Variants in FAM168B observed in about 807,000 individuals in gnomAD.
FAM168B encodes myelin-associated neurite-outgrowth inhibitor.
Under a neutral mutation model 21.8 loss-of-function variants are expected in FAM168B, and 19 were observed. The ratio of observed to expected loss-of-function variants is 0.87; its 90% CI spans 0.61 to 1.28. The LOEUF (loss-of-function observed/expected upper bound fraction) is 1.28, where lower values mean the gene tolerates loss of function less well. FAM168B is among the 50% of genes most tolerant of loss of function. The pLI, the probability that FAM168B is intolerant of heterozygous loss-of-function variation, is 0.00. For synonymous variants in FAM168B, 126 were observed against 104.8 expected, an observed-to-expected ratio of 1.20 and a Z score of -1.24; for missense variants, 233 against 263.1, an observed-to-expected ratio of 0.89 and a Z score of 0.79.
rs894366760 is a variant in FAM168B, at chr2:131,048,099, C to A, written c.*4366G>T. ...ATGCAGAGGTGAGGGATGCCTTTAA[C>A]ACTGGAAGACAATGCTGACTTAGCT... is the stretch of plus-strand genomic sequence containing the variant. On this transcript the variant is annotated 3_prime_UTR_variant, in exon 7 of 7. Coordinates refer to ENST00000389915, the MANE Select transcript of FAM168B (RefSeq NM_001009993.4). 2 of 1,018,928 alleles carry A rather than the reference C, an allele frequency of 2.0e-6. No homozygotes were observed. Among genetic ancestry groups the A allele is most frequent in the Non-Finnish European group, 2.6e-6 (2 of 780,490 alleles). 63.1% of individuals were successfully genotyped at this position (1,018,928 alleles called of 1,614,324 possible).
At chr2:131,067,029 G>A (rs985147804) in intron 3 of FAM168B, among the ~76,000 whole-genome samples, 5 of 152,110 alleles carry the variant, frequency 3.3e-5, no homozygotes, top group Non-Finnish European at 7.4e-5. Context: ...ATCAGATCTC[G>A]TGAGACTTAT....
At chr2:131,063,896 CAT>C (rs1692428111) in intron 3 of FAM168B, among the ~76,000 whole-genome samples, 1 of 151,722 alleles carries the variant, frequency 6.6e-6, no homozygotes, top group African/African-American at 2.4e-5. Context: ...CTAAGTCCAC[CAT>C]ATCCCTCCAT....
At chr2:131,071,265 A>C (rs1055875436) in intron 3 of FAM168B, among the ~76,000 whole-genome samples, 1 of 152,170 alleles carries the variant, frequency 6.6e-6, no homozygotes, top group Non-Finnish European at 1.5e-5. Flanking sequence ...GTGCACCACC[A>C]CTGCTGCGGC....
chr2:131,060,537 C>T (rs151001667), intron 3 of FAM168B, among the ~76,000 whole-genome samples: 134 of 152,300 alleles, frequency 8.8e-4, no homozygotes, highest in African/African-American at 3.0e-3. Flanking sequence ...ATGCTGAGTA[C>T]ATTATTCTGA....
In FAM168B at chr2:131,052,361, C is replaced by T; in HGVS notation, c.*104G>A. On this transcript the variant is annotated 3_prime_UTR_variant, in exon 7 of 7. Coordinates refer to ENST00000389915, the MANE Select transcript of FAM168B (RefSeq NM_001009993.4). The stretch of plus-strand genomic sequence containing the variant: ...GTCGTGTTTAGCTAAGTGTCGAGAG[C>T]ATTAAGAAGAAAGTCCTGGTTGGAG... 4 of 986,452 alleles carry T rather than the reference C, an allele frequency of 4.1e-6. No individual in the cohort carries two copies. The highest frequency in any genetic ancestry group is 4.8e-6 in the Non-Finnish European group (4 of 830,318). 61.1% of individuals were successfully genotyped at this position (986,452 alleles called of 1,614,324 possible). A position where few individuals can be genotyped will look rare whatever the true frequency, so the allele number is the denominator to read the frequency against.
At chr2:131,071,989 T>C (rs1275723574) in intron 2 of FAM168B, 51 bp from the exon 3 acceptor site, 2 of 1,333,102 alleles carry the variant, frequency 1.5e-6, no homozygotes, top group African/African-American at 3.3e-5. Flanking sequence ...GTAGCGACAA[T>C]CACTAGAGCT....
chr2:131,092,477 GGATGACCT>G lies in FAM168B; in HGVS notation c.-12+729_-12+736del, dbSNP rs1694082369. Among the ~76,000 whole-genome samples, 3 of 152,116 alleles carry G rather than the reference GGATGACCT, an allele frequency of 2.0e-5. No homozygotes were observed. In the South Asian group the frequency reaches 6.2e-4, roughly 31 times the overall value. Reference sequence around the variant, plus strand: ...AGAAAAGTGATCTCAAATTACACAAGGATGACCTGAAAGTTTAAGGAGTGGAAACTATA... The same window carrying G: ...AGAAAAGTGATCTCAAATTACACAAGGAAAGTTTAAGGAGTGGAAACTATA... On this transcript the variant is annotated intron_variant, in intron 1 of 6. Coordinates refer to ENST00000389915, the MANE Select transcript of FAM168B (RefSeq NM_001009993.4).
At chr2:131,083,472 G>A (rs188734168) in intron 1 of FAM168B, among the ~76,000 whole-genome samples, 6 of 152,326 alleles carry the variant, frequency 3.9e-5, no homozygotes, top group African/African-American at 1.4e-4. Flanking sequence ...TCCAGGAGGT[G>A]GAGATTAGCA....
At chr2:131,084,152 A>G (rs961074429) in intron 1 of FAM168B, among the ~76,000 whole-genome samples, 14 of 151,528 alleles carry the variant, frequency 9.2e-5, no homozygotes, top group East Asian at 5.8e-4. Context: ...CGCCCACCTC[A>G]GCCTCTCAAA....
At chr2:131,054,227 T>C (rs549184228) in intron 5 of FAM168B, among the ~76,000 whole-genome samples, 1 of 150,138 alleles carries the variant, frequency 6.7e-6, no homozygotes, top group Admixed American at 6.6e-5. Context: ...ATATTAAAAA[T>C]TTTAAAATTA....
intron 5 of FAM168B, among the ~76,000 whole-genome samples, chr2:131,054,148 G>C (rs1691866321): frequency 6.6e-6 from 1 of 151,028 alleles, no homozygotes; most frequent in Non-Finnish European, 1.5e-5. Flanking sequence ...GGCAGAGGTT[G>C]CAGTAAGCTG....
At chr2:131,072,314 G>A (rs1404441996) in intron 2 of FAM168B, among the ~76,000 whole-genome samples, 1 of 151,372 alleles carries the variant, frequency 6.6e-6, no homozygotes, top group Non-Finnish European at 1.5e-5. Flanking sequence ...AGTAGAGACG[G>A]GGTTTCATCA....
chr2:131,079,628 G>A (rs1238916802), intron 2 of FAM168B, among the ~76,000 whole-genome samples: 1 of 152,166 alleles, frequency 6.6e-6, no homozygotes, highest in Non-Finnish European at 1.5e-5. Context: ...CCTGCACTAG[G>A]AGTACAGACC....
intron 3 of FAM168B, among the ~76,000 whole-genome samples, chr2:131,063,936 TTAAA>T (rs2105493120): frequency 6.6e-6 from 1 of 152,226 alleles, no homozygotes; most frequent in East Asian, 1.9e-4. Context: ...TTCACAAACT[TTAAA>T]TAAATACACA....
At chr2:131,085,272 A>T (rs1257466364) in intron 1 of FAM168B, among the ~76,000 whole-genome samples, 1 of 152,178 alleles carries the variant, frequency 6.6e-6, no homozygotes, top group Non-Finnish European at 1.5e-5. Flanking sequence ...CAATATAATA[A>T]GGTTCCATCT....
chr2:131,089,422 G>A (rs904024220), intron 1 of FAM168B, among the ~76,000 whole-genome samples: 2 of 151,478 alleles, frequency 1.3e-5, no homozygotes, highest in East Asian at 3.9e-4. Flanking sequence ...ATAATCAGAA[G>A]AAAACTCTAT....
At chr2:131,087,479 A>G (rs1693772353) in intron 1 of FAM168B, among the ~76,000 whole-genome samples, 1 of 152,200 alleles carries the variant, frequency 6.6e-6, no homozygotes, top group Non-Finnish European at 1.5e-5. Flanking sequence ...CTCAAAAAAT[A>G]GTAATAATAA....
chr2:131,049,952 T>G lies in FAM168B; in HGVS notation c.*2513A>C, dbSNP rs1691547688. On this transcript the variant is annotated 3_prime_UTR_variant, in exon 7 of 7. Transcript: ENST00000389915. Reference sequence around the variant, plus strand: ...TATTTCCTAAGTCCAGATTCTTACCTGATATCTACCTTTCGTATCTGACAG... The same window carrying G: ...TATTTCCTAAGTCCAGATTCTTACCGGATATCTACCTTTCGTATCTGACAG... The G allele has an allele frequency of 1.0e-6, 1 of 985,398 alleles. No homozygotes were observed. The highest frequency in any genetic ancestry group is 4.7e-5 in the South Asian group (1 of 21,296). The allele number at this position is 985,398 out of a possible 1,614,324, so 61.0% of individuals were successfully genotyped here. A position where few individuals can be genotyped will look rare whatever the true frequency, so the allele number is the denominator to read the frequency against.
At chr2:131,061,457 A>G (rs1180234977) in intron 3 of FAM168B, among the ~76,000 whole-genome samples, 1 of 151,840 alleles carries the variant, frequency 6.6e-6, no homozygotes, top group East Asian at 2.0e-4. Context: ...GAAAGGGCCC[A>G]CGGATCACCA....
Sources: allele counts gnomAD v4.1 joint callset (sites outside exome capture counted in the v4.1 genomes callset), GRCh38; gene constraint gnomAD v4.1.1; transcripts MANE v1.5; gene names NCBI Gene and HGNC (gene_info 2026-07-23, HGNC 2026-07-21).